Variants in HK1 observed in about 807,000 individuals in gnomAD.
HK1 encodes the protein hexokinase-1.
HK1 carries 28 observed loss-of-function variants against 91.6 expected under a neutral mutation model. The ratio of observed to expected loss-of-function variants is 0.31; its 90% confidence interval spans 0.23 to 0.42. The LOEUF is 0.42. Ranked by LOEUF, HK1 falls within the 10% of genes least tolerant of loss-of-function variation. The pLI is 1.00. For synonymous variants in HK1, 430 were observed against 468.1 expected (o/e 0.92, Z 1.05); for missense variants, 770 against 1,219.8 (o/e 0.63, Z 5.49).
chr10:69,328,134 A>G (rs1847487694), intron 1 of HK1, among the ~76,000 whole-genome samples: 1 of 152,194 alleles, frequency 6.6e-6, no homozygotes, highest in South Asian at 2.1e-4. Context: ...CTGCTCAGAG[A>G]AAACTCAAGC....
intron 8 of HK1, among the ~76,000 whole-genome samples, chr10:69,377,478 C>T (rs939898861): frequency 6.6e-6 from 1 of 151,484 alleles, no homozygotes; most frequent in Admixed American, 6.6e-5. Context: ...TTTTGGAATT[C>T]CACCTCCCAC....
intron 3 of HK1, among the ~76,000 whole-genome samples, chr10:69,294,739 G>A (rs1845470515): frequency 6.6e-6 from 1 of 152,078 alleles, no homozygotes; most frequent in African/African-American, 2.4e-5. Context: ...GCGGATGCCT[G>A]TAATCCCAAC....
At chr10:69,304,377 G>A (rs1043854128) in intron 5 of HK1, among the ~76,000 whole-genome samples, 2 of 151,466 alleles carry the variant, frequency 1.3e-5, no homozygotes, top group Admixed American at 6.6e-5. Flanking sequence ...GCCCAGTCTC[G>A]GCTCACTGCA....
chr10:69,389,925 G>A (rs531695258), intron 14 of HK1, among the ~76,000 whole-genome samples: 13 of 152,268 alleles, frequency 8.5e-5, no homozygotes, highest in African/African-American at 3.1e-4. Context: ...TATTGATTTG[G>A]GCTATGAGGA....
intron 3 of HK1, 94 bp downstream of exon 3, chr10:69,360,139 C>G (rs1037677355): frequency 5.6e-6 from 7 of 1,240,964 alleles, no homozygotes; most frequent in Non-Finnish European, 8.3e-6. Context: ...ATCCCAAGCC[C>G]CTGGAAGAGG....
intron 2 of HK1, among the ~76,000 whole-genome samples, chr10:69,284,275 A>G (rs1306456219): frequency 1.3e-5 from 2 of 152,192 alleles, no homozygotes; most frequent in Non-Finnish European, 2.9e-5. Flanking sequence ...CAGTTTCCTC[A>G]TGTGTAAAAC....
intron 4 of HK1, among the ~76,000 whole-genome samples, chr10:69,299,394 GTC>G (rs1438918133): frequency 6.7e-6 from 1 of 150,312 alleles, no homozygotes; most frequent in African/African-American, 2.5e-5. Context: ...TTGAGACGGA[GTC>G]TCTCTCTGTT....
chr10:69,322,597 T>A (rs1259550862), intron 1 of HK1, among the ~76,000 whole-genome samples: 1 of 152,048 alleles, frequency 6.6e-6, no homozygotes, highest in Non-Finnish European at 1.5e-5. Context: ...TAAAAATAAA[T>A]AAATAAATAA....
Position 69,369,699 on chromosome 10 carries a change from T to A in HK1, c.875+75T>A. 7.3e-7 allele frequency: 1 copy of A among 1,361,108 alleles called. No individual in the cohort carries two copies. The highest frequency in any genetic ancestry group is 1.4e-5 in the African/African-American group (1 of 69,690). The allele number at this position is 1,361,108 out of a possible 1,614,324, so 84.3% of individuals were successfully genotyped here. On this transcript the variant is annotated intron_variant, in intron 7 of 17. Transcript: ENST00000359426. The surrounding 1 kb of genome is among the most constrained non-coding windows in gnomAD (Gnocchi z 4.4). ...TTGATGAAAGATTTGGGATGGGAGA[T>A]GAAAAGGGCATAAAGCCAAGTGATC...
At chr10:69,281,234 A>C (rs1435005055) in intron 1 of HK1, among the ~76,000 whole-genome samples, 1 of 152,186 alleles carries the variant, frequency 6.6e-6, no homozygotes, top group Non-Finnish European at 1.5e-5. Context: ...TCCATTCAGT[A>C]GGTCTGTGGA....
chr10:69,278,913 A>G (rs528618070), intron 1 of HK1: 1 of 152,346 alleles, frequency 6.6e-6, no homozygotes, highest in Admixed American at 6.5e-5. Flanking sequence ...GTTGAAGAGC[A>G]TGTGGTTACA....
At chr10:69,277,325 T>TG (rs1309831763) in intron 1 of HK1, among the ~76,000 whole-genome samples, 1 of 152,208 alleles carries the variant, frequency 6.6e-6, no homozygotes, top group Non-Finnish European at 1.5e-5. Context: ...CCTGGCACTT[T>TG]GGGAGGCTGA....
intron 1 of HK1, among the ~76,000 whole-genome samples, chr10:69,325,289 G>A: frequency 6.6e-6 from 1 of 151,450 alleles, no homozygotes; most frequent in Non-Finnish European, 1.5e-5. Context: ...CTGATCTTGT[G>A]ATCCGCCTGC....
chr10:69,368,402 C>G (rs1849816226), intron 4 of HK1, 134 bp from the exon 5 acceptor site: 1 of 743,316 alleles, frequency 1.3e-6, no homozygotes, highest in Non-Finnish European at 2.4e-6. Flanking sequence ...CCTCCCCAAG[C>G]CCAGTGTGAT....
chr10:69,376,267 C>T (rs375540869), intron 7 of HK1, among the ~76,000 whole-genome samples: 1 of 152,220 alleles, frequency 6.6e-6, no homozygotes, highest in East Asian at 1.9e-4. Context: ...GCATACAAGC[C>T]AGGTGCTGTA....
chr10:69,364,221 T>C (rs1417149618), intron 3 of HK1, among the ~76,000 whole-genome samples: 1 of 152,214 alleles, frequency 6.6e-6, no homozygotes, highest in African/African-American at 2.4e-5. Context: ...CTGCAGCTTG[T>C]GAGAATCCAG....
chr10:69,304,528 G>A (rs184551459), intron 5 of HK1, among the ~76,000 whole-genome samples: 137 of 152,226 alleles, frequency 9.0e-4, no homozygotes, highest in African/African-American at 3.1e-3. Flanking sequence ...AGCTGGTCTC[G>A]AACTCCTGAC....
chr10:69,376,864 T>C (rs930249227), intron 7 of HK1, 70 bp from the exon 8 acceptor site: 23 of 1,587,976 alleles, frequency 1.4e-5, no homozygotes, highest in Non-Finnish European at 1.9e-5. Context: ...ATTCCTTTTA[T>C]GTCTGTCCCA....
At chr10:69,359,023 A>G (rs1486005805) in intron 2 of HK1, among the ~76,000 whole-genome samples, 1 of 152,074 alleles carries the variant, frequency 6.6e-6, no homozygotes, top group African/African-American at 2.4e-5. Context: ...ACTCTAGCCC[A>G]GGTGACAGAG....
Sources: gnomAD v4.1 joint callset for allele counts (sites outside exome capture counted in the v4.1 genomes callset) on GRCh38, gnomAD v4.1.1 for gene constraint, Gnocchi (gnomAD v3.1) non-coding constraint, MANE v1.5 for transcripts, NCBI Gene and HGNC (gene_info 2026-07-23, HGNC 2026-07-21) for gene names.